The following SDK1 variants were observed in gnomAD, a reference collection of about 807,000 sequenced individuals.
The protein encoded by SDK1 is protein sidekick-1.
A neutral mutation model predicts 245.5 loss-of-function variants in SDK1; 157 were observed. That is an observed-to-expected ratio of 0.64 (90% CI 0.56 to 0.73). The LOEUF (loss-of-function observed/expected upper bound fraction) is 0.73, where lower values mean the gene tolerates loss of function less well. SDK1 is among the 30% of genes least tolerant of loss of function. The pLI is 0.00. For missense variants in SDK1, 3,583 were observed against 3,002.3 expected (o/e 1.19, Z -4.52); for synonymous variants, 1,647 against 1,278.5 (o/e 1.29, Z -6.15).
intron 33 of SDK1, among the ~76,000 whole-genome samples, chr7:4,175,093 T>C (rs10235503): frequency 0.55 from 84,040 of 152,140 alleles, 24,479 homozygotes; most frequent in East Asian, 0.72. Context: ...CACGCGCCAA[T>C]GCCAGCCGCG....
At chr7:3,658,165 C>G (rs970832149) in intron 4 of SDK1, among the ~76,000 whole-genome samples, 6 of 152,160 alleles carry the variant, frequency 3.9e-5, no homozygotes, top group Admixed American at 2.0e-4. Context: ...TGATCACATC[C>G]CCTCACAGGT....
At chr7:3,479,618 C>T (rs1018348673) in intron 1 of SDK1, among the ~76,000 whole-genome samples, 2 of 151,784 alleles carry the variant, frequency 1.3e-5, no homozygotes, top group Admixed American at 6.6e-5. Context: ...AATCCCAGCA[C>T]TTTGGGAGGT....
At chr7:3,580,410 A>ACAAGT (rs1351667745) in intron 1 of SDK1, among the ~76,000 whole-genome samples, 19 of 152,356 alleles carry the variant, frequency 1.2e-4, no homozygotes, top group African/African-American at 4.3e-4. Flanking sequence ...GGGCTACAGT[A>ACAAGT]ACCAGAACAG....
At chr7:3,562,530 C>A (rs1779780137) in intron 1 of SDK1, among the ~76,000 whole-genome samples, 1 of 152,194 alleles carries the variant, frequency 6.6e-6, no homozygotes, top group Admixed American at 6.5e-5. Context: ...CTGAAGTGGG[C>A]TTTAGCTTCT....
intron 5 of SDK1, among the ~76,000 whole-genome samples, chr7:3,915,069 C>T (rs180963884): frequency 5.3e-4 from 80 of 152,262 alleles, no homozygotes; most frequent in Non-Finnish European, 7.2e-4. Flanking sequence ...TTCTCTTGTA[C>T]GGCCGTGGAA....
chr7:3,425,310 T>C (rs927667533), intron 1 of SDK1, among the ~76,000 whole-genome samples: 2 of 152,216 alleles, frequency 1.3e-5, no homozygotes, highest in Admixed American at 6.5e-5. Flanking sequence ...TGAGGACTTT[T>C]ATGAATGACT....
At chr7:3,620,505 G>A (rs1423304880) in intron 2 of SDK1, among the ~76,000 whole-genome samples, 1 of 152,110 alleles carries the variant, frequency 6.6e-6, no homozygotes, top group African/African-American at 2.4e-5. Flanking sequence ...GTTTCACCAT[G>A]TTGACCAGGC....
At chr7:3,624,753 T>A (rs1011755096) in intron 2 of SDK1, among the ~76,000 whole-genome samples, 3 of 151,914 alleles carry the variant, frequency 2.0e-5, no homozygotes, top group African/African-American at 7.3e-5. Context: ...TTATAAAAAA[T>A]ATATGATCAA....
intron 1 of SDK1, among the ~76,000 whole-genome samples, chr7:3,401,956 C>G (rs1336807940): frequency 6.6e-6 from 1 of 152,074 alleles, no homozygotes; most frequent in East Asian, 1.9e-4. Flanking sequence ...GCTGTCTTTA[C>G]TGCATCTGTC....
At chr7:3,430,778 A>C (rs549436903) in intron 1 of SDK1, among the ~76,000 whole-genome samples, 10 of 152,230 alleles carry the variant, frequency 6.6e-5, no homozygotes, top group Non-Finnish European at 1.3e-4. Context: ...CTGCCTGTGC[A>C]TGACCTGCTA....
At chr7:3,710,928 A>G (rs911479428) in intron 4 of SDK1, among the ~76,000 whole-genome samples, 3 of 152,158 alleles carry the variant, frequency 2.0e-5, no homozygotes, top group Admixed American at 1.3e-4. Context: ...TAATACAAAG[A>G]TTTTTCTCTA....
At chr7:3,933,419 G>A (rs1780050358) in intron 5 of SDK1, among the ~76,000 whole-genome samples, 1 of 152,124 alleles carries the variant, frequency 6.6e-6, no homozygotes, top group Non-Finnish European at 1.5e-5. Context: ...AGCTGATCCT[G>A]GTGTTCGGAC....
chr7:4,062,993 A>G (rs187387571), intron 19 of SDK1, among the ~76,000 whole-genome samples: 2 of 152,350 alleles, frequency 1.3e-5, no homozygotes, highest in East Asian at 3.9e-4. Context: ...ACCCACAGCT[A>G]ACATCACACT....
intron 5 of SDK1, among the ~76,000 whole-genome samples, chr7:3,886,680 T>C (rs1380661028): frequency 1.1e-4 from 17 of 152,212 alleles, no homozygotes; most frequent in Admixed American, 1.1e-3. Flanking sequence ...TTTGGGAGGC[T>C]GGGGCAAGAG....
intron 35 of SDK1, among the ~76,000 whole-genome samples, chr7:4,192,342 C>T (rs1430057402): frequency 6.6e-6 from 1 of 152,228 alleles, no homozygotes; most frequent in Non-Finnish European, 1.5e-5. Flanking sequence ...GTGGCACTAT[C>T]TTGGCTCACT....
chr7:3,496,273 G>A (rs991553086), intron 1 of SDK1, among the ~76,000 whole-genome samples: 2 of 152,026 alleles, frequency 1.3e-5, no homozygotes, highest in African/African-American at 4.8e-5. Context: ...TGTCTGGTGT[G>A]GAAGCATGTG....
intron 1 of SDK1, among the ~76,000 whole-genome samples, chr7:3,544,374 C>T (rs1779150674): frequency 1.3e-5 from 2 of 152,122 alleles, no homozygotes; most frequent in African/African-American, 2.4e-5. Context: ...AGACCTCTAG[C>T]GACCTCACAG....
At position 3,301,765 on chromosome 7, in the gene SDK1, G is replaced by A. The variant is rs1456187416; in HGVS notation, c.179G>A (p.Gly60Glu). Residue 60 changes from glycine (G) to glutamate (E), a missense_variant, in exon 1 of 45, where the codon GGG (glycine) becomes GAG (glutamate). Coordinates refer to ENST00000404826, the MANE Select transcript of SDK1 (RefSeq NM_152744.4). ...CGGGCGGCGCCCGAGACCTCCGGCG[G>A]GGACACGGCGGGCGCGGGGCGGTGC... Reference protein sequence around the residue: ...RPRAAPETSGGDTAGAGRCGG... With the variant: ...RPRAAPETSGEDTAGAGRCGG... 3.0e-6 allele frequency: 3 copies of A among 989,072 alleles called. No individual in the cohort carries two copies. The highest frequency in any genetic ancestry group is 1.1e-4 in the East Asian group (1 of 8,998). 61.3% of individuals were successfully genotyped at this position (989,072 alleles called of 1,614,324 possible).
chr7:3,955,969 T>C (rs943352371), intron 7 of SDK1, among the ~76,000 whole-genome samples: 4 of 152,176 alleles, frequency 2.6e-5, no homozygotes, highest in Non-Finnish European at 5.9e-5. Context: ...CTCTGGGCCA[T>C]GTGGAAGGCG....
Sources: allele counts gnomAD v4.1 joint callset (sites outside exome capture counted in the v4.1 genomes callset), GRCh38; gene constraint gnomAD v4.1.1; transcripts MANE v1.5; gene names NCBI Gene and HGNC (gene_info 2026-07-23, HGNC 2026-07-21).